ZIK1: variants seen among roughly 807,000 people sequenced by gnomAD.
ZIK1 encodes the protein zinc finger protein interacting with K protein 1.
In ZIK1, 12 loss-of-function variants were observed where a neutral mutation model predicts 10.7. The ratio of observed to expected loss-of-function variants is 1.12; its 90% CI spans 0.72 to 1.81. The LOEUF (loss-of-function observed/expected upper bound fraction) is 1.81, where lower values mean the gene tolerates loss of function less well. Among genes scored for constraint, ZIK1 ranks in the 40% most tolerant of loss-of-function variants. The pLI, the probability that ZIK1 is intolerant of heterozygous loss-of-function variation, is 0.00. For synonymous variants in ZIK1, 190 were observed against 205.0 expected, an observed-to-expected ratio of 0.93 and a Z score of 0.63; for missense variants, 497 against 585.7, an observed-to-expected ratio of 0.85 and a Z score of 1.56.
At chr19:57,584,547 C>CAA (rs1978956290) in intron 1 of ZIK1, 158 bp downstream of exon 1, 8 of 1,417,128 alleles carry the variant, frequency 5.6e-6, no homozygotes, top group Admixed American at 3.0e-5. Context: ...GGGTTACAGG[C>CAA]AAAGGGACCA....
rs779487100 is a variant in ZIK1 at position 57,590,262 on chromosome 19, A to G, written c.451A>G (p.Arg151Gly). 3.1e-6 allele frequency: 5 copies of G among 1,614,270 alleles called. No individual in the cohort carries two copies. The South Asian group carries it at 3.3e-5, about 11-fold the overall frequency. Residue 151 changes from arginine (R) to glycine (G), a missense_variant, in exon 4 of 4, where the codon AGA (arginine) becomes GGA (glycine). Arg to Gly is a moderately radical substitution (Grantham distance 125, BLOSUM62 -2). Coordinates refer to ENST00000597850, the MANE Select transcript of ZIK1 (RefSeq NM_001010879.4). The part of the protein sequence containing the change: ...AKKSLKRDMD[R>G]ASYVKCCLFC... ...GAAATCCTTGAAGAGGGACATGGAC[A>G]GAGCCTCATATGTGAAGTGCTGCCT...
rs531028278 is a variant in ZIK1 at position 57,586,021 on chromosome 19, C to A, written c.72+1031C>A. ...GTGCTGGGATTACAGGCGTGAGCCA[C>A]CATGCCCAGCCAATTAATTTTCATT... On this transcript the variant is annotated intron_variant, in intron 2 of 3. Coordinates refer to ENST00000597850, the MANE Select transcript of ZIK1 (RefSeq NM_001010879.4). Among the ~76,000 whole-genome samples, 14 of 152,028 alleles carry A rather than the reference C, an allele frequency of 9.2e-5. No homozygotes were observed. The South Asian group carries it at 1.5e-3, about 16-fold the overall frequency.
chr19:57,588,404 G>A (rs1416573833), intron 2 of ZIK1, 135 bp from the exon 3 acceptor site: 8 of 1,088,618 alleles, frequency 7.3e-6, no homozygotes, highest in Non-Finnish European at 9.9e-6. Flanking sequence ...AGGATACAGT[G>A]ATCATTGGGA....
At position 57,592,145 on chromosome 19, in the gene ZIK1, G is replaced by A. The variant is rs1979749480; in HGVS notation, c.*870G>A. ...GGACAATTTTATTCCATTGTTTCCA[G>A]AGGATGTCATATGATGCCCAGTGCT... is the stretch of plus-strand genomic sequence containing the variant. On this transcript the variant is annotated 3_prime_UTR_variant, in exon 4 of 4. Coordinates refer to ENST00000597850, the MANE Select transcript of ZIK1 (RefSeq NM_001010879.4). The A allele has an allele frequency of 6.6e-6, 1 of 152,188 alleles. No individual in the cohort carries two copies. The highest frequency in any genetic ancestry group is 1.5e-5 in the Non-Finnish European group (1 of 68,056). 9.4% of individuals were successfully genotyped at this position (152,188 alleles called of 1,614,324 possible). A position where few individuals can be genotyped will look rare whatever the true frequency, so the allele number is the denominator to read the frequency against.
intron 1 of ZIK1, 82 bp downstream of exon 1, chr19:57,584,471 C>A: frequency 1.3e-6 from 2 of 1,527,246 alleles, no homozygotes; most frequent in South Asian, 1.2e-5. Context: ...ATCCTCATGT[C>A]CAGTACAGTG....
rs943844790 is a variant in ZIK1, at chr19:57,592,456, G to C, written c.*1181G>C. The C allele has an allele frequency of 6.6e-6, 1 of 152,192 alleles. No individual in the cohort carries two copies. The highest frequency in any genetic ancestry group is 2.4e-5 in the African/African-American group (1 of 41,446). 9.4% of individuals were successfully genotyped at this position (152,192 alleles called of 1,614,324 possible). The stretch of plus-strand genomic sequence containing the variant: ...GTTATTTTCAGCAAAAATAATTAAA[G>C]GGTTTTATTTTTTAATTCTTGTTGG... On this transcript the variant is annotated 3_prime_UTR_variant, in exon 4 of 4. Coordinates refer to ENST00000597850, the MANE Select transcript of ZIK1 (RefSeq NM_001010879.4).
At chr19:57,585,698 TTTTTA>T (rs1486042920) in intron 2 of ZIK1, among the ~76,000 whole-genome samples, 2 of 152,116 alleles carry the variant, frequency 1.3e-5, no homozygotes, top group Non-Finnish European at 2.9e-5. Context: ...ATTGATTTTA[TTTTTA>T]TTTTATTTAT....
Position 57,591,091 on chromosome 19 carries a change from G to A in ZIK1, c.1280G>A (p.Arg427Lys). The change falls in exon 4 of 4, where the codon AGA (arginine) becomes AAA (lysine). Residue 427 changes from arginine (R) to lysine (K), a missense_variant. Transcript: ENST00000597850. ...SQSSILIQHR[R>K]IHTGARPYEC... is the part of the protein sequence containing the mutation. The stretch of plus-strand genomic sequence containing the variant: ...AGCTCCATCCTTATTCAACACCGGA[G>A]AATTCATACTGGAGCAAGGCCTTAT... 6.2e-7 allele frequency: 1 copy of A among 1,613,368 alleles called. No individual in the cohort carries two copies. Among genetic ancestry groups the A allele is most frequent in the Non-Finnish European group, 8.5e-7 (1 of 1,179,838 alleles).
intron 1 of ZIK1, 152 bp downstream of exon 1, chr19:57,584,541 TAC>T (rs1432289508): frequency 7.0e-7 from 1 of 1,419,802 alleles, no homozygotes; most frequent in East Asian, 2.7e-5. Context: ...GGAAGAGGGT[TAC>T]AGGCAAAGGG....
At position 57,592,323 on chromosome 19, in the gene ZIK1, A is replaced by G. The variant is rs948794910; in HGVS notation, c.*1048A>G. 4.6e-5 allele frequency: 7 copies of G among 152,172 alleles called. No individual in the cohort carries two copies. The highest frequency in any genetic ancestry group is 1.7e-4 in the African/African-American group (7 of 41,438). The allele number at this position is 152,172 out of a possible 1,614,324, so 9.4% of individuals were successfully genotyped here. A position where few individuals can be genotyped will look rare whatever the true frequency, so the allele number is the denominator to read the frequency against. ...ATTTCTGTACTGTGTGTACTGTAGC[A>G]AACTAGTTGGAATGTGCCTCTTATA... is the stretch of plus-strand genomic sequence containing the variant. On this transcript the variant is annotated 3_prime_UTR_variant, in exon 4 of 4. Coordinates refer to ENST00000597850, the MANE Select transcript of ZIK1 (RefSeq NM_001010879.4).
At chr19:57,587,239 G>A (rs1400539914) in intron 2 of ZIK1, among the ~76,000 whole-genome samples, 2 of 152,154 alleles carry the variant, frequency 1.3e-5, no homozygotes, top group African/African-American at 2.4e-5. Flanking sequence ...GGGTGGGGAC[G>A]CAGCCAAATC....
chr19:57,585,460 G>A (rs1420155188), intron 2 of ZIK1, among the ~76,000 whole-genome samples: 1 of 152,210 alleles, frequency 6.6e-6, no homozygotes, highest in African/African-American at 2.4e-5. Flanking sequence ...GCGATAGAAA[G>A]ACCAGGGAGG....
chr19:57,588,297 T>C (rs749641937), intron 2 of ZIK1, among the ~76,000 whole-genome samples: 2 of 152,084 alleles, frequency 1.3e-5, no homozygotes, highest in African/African-American at 2.4e-5. Context: ...TGAAAGACCC[T>C]TGGGGAACTG....
In ZIK1 at chr19:57,593,818, TTAA is replaced by T. The variant is rs1979908559; in HGVS notation, c.*2545_*2547del. The T allele has an allele frequency of 6.6e-6, 1 of 150,842 alleles. No homozygotes were observed. Among genetic ancestry groups the T allele is most frequent in the Admixed American group, 6.7e-5 (1 of 15,030 alleles). 9.3% of individuals were successfully genotyped at this position (150,842 alleles called of 1,614,324 possible). A position where few individuals can be genotyped will look rare whatever the true frequency, so the allele number is the denominator to read the frequency against. ...TATATCCTCTTTGGAAGAATGTTTA[TTAA>T]TGTCTTTTGCTTATTTTTAAATGGA... On this transcript the variant is annotated 3_prime_UTR_variant, in exon 4 of 4. Transcript: ENST00000597850.
rs991927690 is a variant in ZIK1 at position 57,588,545 on chromosome 19, G to A, written c.79G>A (p.Val27Met). 3.3e-6 allele frequency: 5 copies of A among 1,523,148 alleles called. No individual in the cohort carries two copies. Among genetic ancestry groups the A allele is most frequent in the Non-Finnish European group, 4.4e-6 (5 of 1,129,680 alleles). 94.4% of individuals were successfully genotyped at this position (1,523,148 alleles called of 1,614,324 possible). Residue 27 changes from valine (V) to methionine (M), a missense_variant, in exon 3 of 4, where the codon GTG becomes ATG. Coordinates refer to ENST00000597850, the MANE Select transcript of ZIK1 (RefSeq NM_001010879.4). ...ETHMDLTKGC[V>M]TFEDIAIYFS... ...CCTGTCCCCATCATGACAGGGCTGTGTGACCTTTGAGGACATCGCCATTTA... is the reference window on the plus strand; with the variant it reads ...CCTGTCCCCATCATGACAGGGCTGTATGACCTTTGAGGACATCGCCATTTA...
intron 3 of ZIK1, 96 bp downstream of exon 3, chr19:57,588,761 T>C: frequency 7.8e-7 from 1 of 1,274,400 alleles, no homozygotes; most frequent in Admixed American, 3.0e-5. Flanking sequence ...GATCCAGCAC[T>C]GTGCACTGCC....
intron 3 of ZIK1, chr19:57,589,782 G>A: frequency 2.5e-6 from 2 of 811,126 alleles, no homozygotes; most frequent in Non-Finnish European, 3.0e-6. Flanking sequence ...TGAAGGCAAT[G>A]CCATTCCCTG....
Position 57,592,218 on chromosome 19 carries a change from C to G in ZIK1, c.*943C>G, listed in dbSNP as rs1269305369. On this transcript the variant is annotated 3_prime_UTR_variant, in exon 4 of 4. Coordinates refer to ENST00000597850, the MANE Select transcript of ZIK1 (RefSeq NM_001010879.4). ...TCTATAAGGAGGCATGCCCTGATATCAAACATTCCATAGGCCGATGTCACG... is the reference window on the plus strand; with the variant it reads ...TCTATAAGGAGGCATGCCCTGATATGAAACATTCCATAGGCCGATGTCACG... 1 of 152,106 alleles carries G rather than the reference C, an allele frequency of 6.6e-6. No individual in the cohort carries two copies. Among genetic ancestry groups the G allele is most frequent in the Non-Finnish European group, 1.5e-5 (1 of 68,038 alleles). 9.4% of individuals were successfully genotyped at this position (152,106 alleles called of 1,614,324 possible).
rs1979642382 is a variant in ZIK1 at position 57,590,960 on chromosome 19, G to A, written c.1149G>A (p.Gln383=). The change falls in exon 4 of 4, where the codon CAG becomes CAA. Residue 383 remains glutamine (Q), a synonymous_variant. Coordinates refer to ENST00000597850, the MANE Select transcript of ZIK1 (RefSeq NM_001010879.4). ...HTGAKPYECG[Q]CGKSFSQKAT... ...GAGCAAAGCCTTATGAGTGTGGCCA[G>A]TGTGGGAAATCCTTTAGTCAAAAAG... The A allele has an allele frequency of 6.2e-7, 1 of 1,614,010 alleles. No homozygotes were observed. Among genetic ancestry groups the A allele is most frequent in the Non-Finnish European group, 8.5e-7 (1 of 1,179,994 alleles).
Sources: gnomAD v4.1 joint callset for allele counts (sites outside exome capture counted in the v4.1 genomes callset) on GRCh38, gnomAD v4.1.1 for gene constraint, MANE v1.5 for transcripts, NCBI Gene and HGNC (gene_info 2026-07-23, HGNC 2026-07-21) for gene names.